ILRUN: variants seen among roughly 807,000 people sequenced by gnomAD.
The protein encoded by ILRUN is inflammation and lipid regulator with UBA-like and NBR1-like domains, also known as protein ILRUN.
A neutral mutation model predicts 33.8 loss-of-function variants in ILRUN; 3 were observed. The observed-to-expected ratio is 0.09, with a 90% CI of 0.04 to 0.23. ILRUN has a LOEUF of 0.23. ILRUN is among the 10% of genes least tolerant of loss of function. The pLI is 1.00. For synonymous variants in ILRUN, 124 were observed against 138.9 expected, an observed-to-expected ratio of 0.89 and a Z score of 0.75; for missense variants, 210 against 375.1, an observed-to-expected ratio of 0.56 and a Z score of 3.64.
At chr6:34,610,693 T>G (rs1209687502) in intron 3 of ILRUN, among the ~76,000 whole-genome samples, 1 of 152,206 alleles carries the variant, frequency 6.6e-6, no homozygotes, top group Non-Finnish European at 1.5e-5. Context: ...AGATAAGGGA[T>G]ACTCAACCTG....
chr6:34,663,564 T>C (rs1039312112), intron 1 of ILRUN, among the ~76,000 whole-genome samples: 21 of 152,286 alleles, frequency 1.4e-4, no homozygotes, highest in Admixed American at 8.5e-4. Flanking sequence ...TTGCCCAGAC[T>C]GGTTTTGAAC....
chr6:34,605,035 G>A (rs1761596214), intron 4 of ILRUN, among the ~76,000 whole-genome samples: 1 of 152,164 alleles, frequency 6.6e-6, no homozygotes, highest in Non-Finnish European at 1.5e-5. Context: ...GGCTGGGCAC[G>A]GTGGCTCACG....
chr6:34,614,395 C>T (rs932178019), intron 3 of ILRUN, among the ~76,000 whole-genome samples: 1 of 146,552 alleles, frequency 6.8e-6, no homozygotes, highest in Admixed American at 6.9e-5. Flanking sequence ...GCACTCCAGC[C>T]TGGGCGACAG....
In ILRUN at chr6:34,606,599, G is replaced by C. The variant is rs763561912; in HGVS notation, c.817C>G (p.Pro273Ala). The change falls in exon 4 of 5, where the codon CCC becomes GCC. Residue 273 changes from proline to alanine, a missense_variant. By Grantham distance (27) the Pro-to-Ala change is conservative. Transcript: ENST00000374023. Reference sequence around the variant, plus strand: ...GATAAGTTGTTTGCGTGACTGCTGGGAGACAGATTTACAGAGTTCTGTGAC... The same window carrying C: ...GATAAGTTGTTTGCGTGACTGCTGGCAGACAGATTTACAGAGTTCTGTGAC... ...RLSQNSVNLSPSSHANNLSVV... is the reference protein window; with the variant it reads ...RLSQNSVNLSASSHANNLSVV... 1 of 1,614,124 alleles carries C rather than the reference G, an allele frequency of 6.2e-7. No individual in the cohort carries two copies. The highest frequency in any genetic ancestry group is 1.1e-5 in the South Asian group (1 of 91,084).
At chr6:34,658,194 C>CA (rs1410124360) in intron 1 of ILRUN, among the ~76,000 whole-genome samples, 1 of 151,724 alleles carries the variant, frequency 6.6e-6, no homozygotes, top group African/African-American at 2.4e-5. Flanking sequence ...ACAAAAAATA[C>CA]AAAAATTAGC....
At chr6:34,630,673 G>A (rs949961999) in intron 3 of ILRUN, among the ~76,000 whole-genome samples, 5 of 152,080 alleles carry the variant, frequency 3.3e-5, no homozygotes, top group Admixed American at 6.6e-5. Context: ...GAGCCACACC[G>A]CCTGGCCCTG....
chr6:34,658,489 T>C (rs900111895), intron 1 of ILRUN, among the ~76,000 whole-genome samples: 24 of 141,204 alleles, frequency 1.7e-4, no homozygotes, highest in African/African-American at 6.2e-4. Context: ...TTTTTCTTTT[T>C]CTTTTTTTTT....
intron 2 of ILRUN, among the ~76,000 whole-genome samples, chr6:34,653,514 A>G (rs562958368): frequency 6.6e-6 from 1 of 152,222 alleles, no homozygotes; most frequent in Admixed American, 6.5e-5. Flanking sequence ...ATGAGCCACC[A>G]TGCTCAGCCT....
intron 1 of ILRUN, among the ~76,000 whole-genome samples, chr6:34,682,002 C>A (rs186837562): frequency 9.6e-4 from 144 of 149,864 alleles, no homozygotes; most frequent in African/African-American, 3.5e-3. Flanking sequence ...CAGGTGCATG[C>A]CACCACACCC....
chr6:34,612,827 G>A (rs915071462), intron 3 of ILRUN, among the ~76,000 whole-genome samples: 1 of 152,160 alleles, frequency 6.6e-6, no homozygotes, highest in Admixed American at 6.5e-5. Flanking sequence ...CGGATCATGA[G>A]GTCAGGAGAT....
intron 1 of ILRUN, among the ~76,000 whole-genome samples, chr6:34,660,064 C>T (rs1026639210): frequency 1.6e-4 from 25 of 151,558 alleles, no homozygotes; most frequent in Admixed American, 3.9e-4. Context: ...CCTTGGGAGG[C>T]GCAGAGGCAG....
intron 3 of ILRUN, among the ~76,000 whole-genome samples, chr6:34,640,860 C>A (rs1762461024): frequency 6.6e-6 from 1 of 151,954 alleles, no homozygotes; most frequent in Non-Finnish European, 1.5e-5. Context: ...GCAGGTGGAT[C>A]ACGAGGTCAA....
chr6:34,686,073 A>T (rs1393130806), intron 1 of ILRUN, among the ~76,000 whole-genome samples: 1 of 152,216 alleles, frequency 6.6e-6, no homozygotes, highest in Non-Finnish European at 1.5e-5. Flanking sequence ...AAAAGAATTG[A>T]TATGGACCTC....
At chr6:34,687,696 T>TG in intron 1 of ILRUN, among the ~76,000 whole-genome samples, 1 of 98,788 alleles carries the variant, frequency 1.0e-5, no homozygotes, top group African/African-American at 6.2e-5. Context: ...AGACTCCATC[T>TG]CCAAAAAAAA....
At chr6:34,683,476 A>G (rs796762035) in intron 1 of ILRUN, among the ~76,000 whole-genome samples, 20,357 of 113,222 alleles carry the variant, frequency 0.18, 2,529 homozygotes, top group African/African-American at 0.36. Flanking sequence ...ATATATACAC[A>G]TATATATATA....
intron 1 of ILRUN, among the ~76,000 whole-genome samples, chr6:34,663,100 A>AG (rs1415545785): frequency 2.6e-5 from 4 of 151,936 alleles, no homozygotes; most frequent in Non-Finnish European, 5.9e-5. Context: ...TCTCAAAAAA[A>AG]AAGAGTTAAG....
chr6:34,626,243 C>T (rs1397767631), intron 3 of ILRUN, among the ~76,000 whole-genome samples: 1 of 152,156 alleles, frequency 6.6e-6, no homozygotes, highest in Non-Finnish European at 1.5e-5. Flanking sequence ...GCTATCACAG[C>T]TCACTGTAGT....
chr6:34,662,816 C>A (rs899393499), intron 1 of ILRUN, among the ~76,000 whole-genome samples: 1 of 152,238 alleles, frequency 6.6e-6, no homozygotes, highest in Non-Finnish European at 1.5e-5. Flanking sequence ...GTGGCTCACA[C>A]CTGTAATCCC....
chr6:34,594,166 C>T (rs981197269), intron 4 of ILRUN, among the ~76,000 whole-genome samples: 3 of 152,162 alleles, frequency 2.0e-5, no homozygotes, highest in African/African-American at 7.2e-5. Context: ...TTTTAGCTAA[C>T]CTGGAATCAA....
Sources: gnomAD v4.1 joint callset for allele counts (sites outside exome capture counted in the v4.1 genomes callset) on GRCh38, gnomAD v4.1.1 for gene constraint, MANE v1.5 for transcripts, NCBI Gene and HGNC (gene_info 2026-07-23, HGNC 2026-07-21) for gene names.